GRIK2: variants seen among roughly 807,000 people sequenced by gnomAD.
The protein encoded by GRIK2 is glutamate ionotropic receptor kainate type subunit 2.
A neutral mutation model predicts 100.3 loss-of-function variants in GRIK2; 32 were observed. The ratio of observed to expected loss-of-function variants is 0.32; its 90% CI spans 0.24 to 0.43. GRIK2 has a LOEUF of 0.43. Ranked by LOEUF, GRIK2 falls within the 20% of genes least tolerant of loss-of-function variation. The pLI, the probability that GRIK2 is intolerant of heterozygous loss-of-function variation, is 1.00. For synonymous variants in GRIK2, 417 were observed against 389.4 expected, an observed-to-expected ratio of 1.07 and a Z score of -0.83; for missense variants, 843 against 1,114.9, an observed-to-expected ratio of 0.76 and a Z score of 3.47.
rs1251796821 is a variant in GRIK2 at position 101,576,613 on chromosome 6, A to G, written c.116-45336A>G. 2.6e-5 allele frequency among the ~76,000 whole-genome samples: 4 copies of G among 152,058 alleles called. No individual in the cohort carries two copies. The East Asian group carries it at 7.7e-4, about 29-fold the overall frequency. ...ACACATGGCAAATATCTGTCACATT[A>G]TGCATAGAAATGAATTTTTATATTG... On this transcript the variant is annotated intron_variant, in intron 2 of 16. Transcript: ENST00000369134.
At chr6:102,036,260 C>CACAT (rs1354269071) in intron 15 of GRIK2, among the ~76,000 whole-genome samples, 25 of 149,516 alleles carry the variant, frequency 1.7e-4, no homozygotes, top group African/African-American at 3.0e-4. Flanking sequence ...CACACACACA[C>CACAT]ATATATATAT....
intron 15 of GRIK2, among the ~76,000 whole-genome samples, chr6:102,035,820 A>G (rs1481647303): frequency 2.0e-5 from 3 of 151,478 alleles, no homozygotes; most frequent in Admixed American, 1.3e-4. Flanking sequence ...TGAAAAACAC[A>G]CAGTATAACC....
intron 12 of GRIK2, among the ~76,000 whole-genome samples, chr6:101,921,733 TAA>T (rs1789533689): frequency 6.6e-6 from 1 of 151,898 alleles, no homozygotes. Flanking sequence ...GAATCGGAGA[TAA>T]AAAGAATTGA....
intron 12 of GRIK2, among the ~76,000 whole-genome samples, chr6:101,905,835 A>G (rs542093259): frequency 1.0e-3 from 151 of 151,568 alleles, no homozygotes; most frequent in Admixed American, 1.7e-3. Flanking sequence ...GCCAGTCACT[A>G]TACCTACTCT....
At chr6:101,617,952 A>ATG (rs142418025) in intron 2 of GRIK2, among the ~76,000 whole-genome samples, 2 of 151,328 alleles carry the variant, frequency 1.3e-5, no homozygotes, top group Admixed American at 6.6e-5. Flanking sequence ...GTGTATATAT[A>ATG]TGTGTGTGTG....
intron 2 of GRIK2, among the ~76,000 whole-genome samples, chr6:101,591,368 C>T (rs902574130): frequency 6.6e-6 from 1 of 151,822 alleles, no homozygotes; most frequent in Admixed American, 6.6e-5. Context: ...TATCTACCCT[C>T]CCCACATGCA....
At chr6:101,792,765 G>A (rs372303809) in intron 7 of GRIK2, among the ~76,000 whole-genome samples, 4,628 of 151,680 alleles carry the variant, frequency 0.031, 128 homozygotes, top group African/African-American at 0.074. Context: ...GCCTTGCTAG[G>A]TTGGGGAAGT....
chr6:101,876,484 A>ACAGAC (rs1785850930), intron 11 of GRIK2, among the ~76,000 whole-genome samples: 1 of 148,804 alleles, frequency 6.7e-6, no homozygotes, highest in African/African-American at 2.5e-5. Flanking sequence ...AACAAAAACA[A>ACAGAC]ACACACACAC....
intron 7 of GRIK2, among the ~76,000 whole-genome samples, chr6:101,766,849 C>T (rs142347154): frequency 1.7e-4 from 26 of 152,322 alleles, no homozygotes; most frequent in East Asian, 7.7e-4. Flanking sequence ...ACTTGATTAA[C>T]CACATTCCTT....
chr6:101,469,503 A>G (rs1335422859), intron 2 of GRIK2, among the ~76,000 whole-genome samples: 1 of 152,182 alleles, frequency 6.6e-6, no homozygotes, highest in African/African-American at 2.4e-5. Flanking sequence ...TATCATTGAT[A>G]TCTAATATTT....
At chr6:101,672,666 A>G (rs1471689753) in intron 4 of GRIK2, among the ~76,000 whole-genome samples, 1 of 151,990 alleles carries the variant, frequency 6.6e-6, no homozygotes, top group Non-Finnish European at 1.5e-5. Flanking sequence ...TGGTGTACAC[A>G]TAATTTTGTC....
chr6:101,786,851 A>G (rs922993995), intron 7 of GRIK2, among the ~76,000 whole-genome samples: 1 of 152,098 alleles, frequency 6.6e-6, no homozygotes, highest in Non-Finnish European at 1.5e-5. Context: ...AGGAAGAATT[A>G]TCTCCTCTTG....
chr6:101,823,516 G>T (rs1188293416), intron 10 of GRIK2, among the ~76,000 whole-genome samples: 1 of 151,918 alleles, frequency 6.6e-6, no homozygotes, highest in East Asian at 1.9e-4. Context: ...AAGTTCGGTT[G>T]TTGTTAAAAT....
intron 15 of GRIK2, among the ~76,000 whole-genome samples, chr6:102,055,096 CAT>C (rs1038059456): frequency 6.6e-6 from 1 of 152,128 alleles, no homozygotes; most frequent in Non-Finnish European, 1.5e-5. Context: ...TTTTAGGAGA[CAT>C]ATTCTTTCTT....
At chr6:102,009,288 T>C (rs1240204558) in intron 14 of GRIK2, among the ~76,000 whole-genome samples, 2 of 152,144 alleles carry the variant, frequency 1.3e-5, no homozygotes, top group South Asian at 2.1e-4. Flanking sequence ...ATTATTACAA[T>C]GATTATTTCT....
chr6:101,650,705 T>C (rs909901309), intron 4 of GRIK2, among the ~76,000 whole-genome samples: 1 of 152,166 alleles, frequency 6.6e-6, no homozygotes, highest in Non-Finnish European at 1.5e-5. Flanking sequence ...TTTTTCACAT[T>C]TGCTAAAAGC....
At position 101,748,040 on chromosome 6, in the gene GRIK2, T is replaced by C. The variant is rs183225716; in HGVS notation, c.952-51608T>C. Among the ~76,000 whole-genome samples, 24 of 152,302 alleles carry C rather than the reference T, an allele frequency of 1.6e-4. No homozygotes were observed. The East Asian group carries it at 3.3e-3, about 21-fold the overall frequency. ...CTAGAATTTCTCCTGAAAATGTTCA[T>C]ATTTTAGGTAAAAATAAGCAAAATT... On this transcript the variant is annotated intron_variant, in intron 7 of 16. Coordinates refer to ENST00000369134, the MANE Select transcript of GRIK2 (RefSeq NM_021956.5).
intron 7 of GRIK2, among the ~76,000 whole-genome samples, chr6:101,714,847 A>G (rs987006510): frequency 7.9e-5 from 12 of 151,732 alleles, no homozygotes; most frequent in African/African-American, 2.7e-4. Context: ...AAAGTCTATA[A>G]TGCAAACAAA....
At chr6:101,872,455 AACTC>A (rs938687216) in intron 11 of GRIK2, among the ~76,000 whole-genome samples, 23 of 151,992 alleles carry the variant, frequency 1.5e-4, no homozygotes, top group African/African-American at 5.3e-4. Flanking sequence ...AGATCATGAG[AACTC>A]ACTCACTATC....
Sources: allele counts gnomAD v4.1 joint callset (sites outside exome capture counted in the v4.1 genomes callset), GRCh38; gene constraint gnomAD v4.1.1; transcripts MANE v1.5; gene names NCBI Gene and HGNC (gene_info 2026-07-23, HGNC 2026-07-21).